Variants in ATRNL1 observed in about 807,000 individuals in gnomAD.
ATRNL1 encodes the protein attractin like 1, also known as attractin-like protein 1.
In ATRNL1, 95 loss-of-function variants were observed where a neutral mutation model predicts 182.7. That is an observed-to-expected ratio of 0.52 (90% confidence interval 0.44 to 0.62). The LOEUF (loss-of-function observed/expected upper bound fraction) is 0.62. Among genes scored for constraint, ATRNL1 ranks in the 20% least tolerant of loss-of-function variants. The pLI, the probability that ATRNL1 is intolerant of heterozygous loss-of-function variation, is 0.00. For synonymous variants in ATRNL1, 576 were observed against 568.3 expected, an observed-to-expected ratio of 1.01 and a Z score of -0.19; for missense variants, 1,471 against 1,679.5, an observed-to-expected ratio of 0.88 and a Z score of 2.17.
At chr10:115,346,212 T>C (rs1180740001) in intron 19 of ATRNL1, among the ~76,000 whole-genome samples, 4 of 152,188 alleles carry the variant, frequency 2.6e-5, no homozygotes. Flanking sequence ...TTTAAAACTT[T>C]TTAATCTTGT....
Position 115,847,894 on chromosome 10 carries a change from T to C in ATRNL1, c.3921T>C (p.Ile1307=). 1 of 1,610,836 alleles carries C rather than the reference T, an allele frequency of 6.2e-7. No individual in the cohort carries two copies. Among genetic ancestry groups the C allele is most frequent in the Non-Finnish European group, 8.5e-7 (1 of 1,177,324 alleles). ...RGPLEGAPKP[I]AIEPCAGNRA... ...TTTTTCAGGGGGCACCCAAGCCAAT[T>C]GCCATTGAACCATGTGCTGGGAACA... is the stretch of plus-strand genomic sequence containing the variant. Residue 1307 remains isoleucine (I), a synonymous_variant, in exon 28 of 29, where the codon ATT becomes ATC. Transcript: ENST00000355044.
At chr10:115,534,347 A>C (rs1354351639) in intron 25 of ATRNL1, among the ~76,000 whole-genome samples, 3 of 151,914 alleles carry the variant, frequency 2.0e-5, no homozygotes, top group African/African-American at 7.3e-5. Flanking sequence ...TGATCCCTTT[A>C]CCATTATGTA....
In ATRNL1 at chr10:115,394,707, A is replaced by G; in HGVS notation, c.3224A>G (p.Lys1075Arg). Residue 1075 changes from lysine to arginine, a missense_variant, in exon 20 of 29, where the codon AAA becomes AGA. Physicochemically the swap from Lys to Arg is conservative, Grantham distance 26. This residue lies in a region of ATRNL1 where 437 missense variants were observed against 506.0 expected (regional missense o/e 0.86). Transcript: ENST00000355044. ...AATATCTGTCATCTGCACACAGGAA[A>G]ATGTTTCTGCACAACTAAAGGAATA... Reference protein sequence around the residue: ...HANICHLHTGKCFCTTKGIKG... With the variant: ...HANICHLHTGRCFCTTKGIKG... 6.2e-7 allele frequency: 1 copy of G among 1,610,864 alleles called. No homozygotes were observed. The highest frequency in any genetic ancestry group is 1.3e-5 in the African/African-American group (1 of 74,846).
At chr10:115,647,082 C>G (rs1298073995) in intron 26 of ATRNL1, among the ~76,000 whole-genome samples, 6 of 151,670 alleles carry the variant, frequency 4.0e-5, no homozygotes, top group African/African-American at 1.5e-4. Flanking sequence ...ATAGTTTGCT[C>G]AGAATGATGA....
intron 20 of ATRNL1, among the ~76,000 whole-genome samples, chr10:115,417,082 C>T (rs1284708399): frequency 6.6e-6 from 1 of 152,222 alleles, no homozygotes; most frequent in Non-Finnish European, 1.5e-5. Flanking sequence ...AGAATGCAGA[C>T]TGGCACCCAG....
At chr10:115,758,671 G>A (rs1428220789) in intron 27 of ATRNL1, among the ~76,000 whole-genome samples, 3 of 152,204 alleles carry the variant, frequency 2.0e-5, no homozygotes, top group East Asian at 1.9e-4. Context: ...TGGGAGAACC[G>A]CTGCTCTCTT....
At chr10:115,855,701 A>G (rs535602808) in intron 28 of ATRNL1, among the ~76,000 whole-genome samples, 25 of 152,312 alleles carry the variant, frequency 1.6e-4, no homozygotes, top group African/African-American at 5.3e-4. Context: ...TTGTGTTTTT[A>G]TAATTCATGT....
intron 28 of ATRNL1, among the ~76,000 whole-genome samples, chr10:115,898,248 G>T (rs1952258506): frequency 6.6e-6 from 1 of 152,036 alleles, no homozygotes; most frequent in African/African-American, 2.4e-5. Flanking sequence ...TTGATAGGTA[G>T]GTATGTATGT....
At chr10:115,147,510 G>A (rs1554879666) in intron 5 of ATRNL1, among the ~76,000 whole-genome samples, 1 of 152,086 alleles carries the variant, frequency 6.6e-6, no homozygotes, top group African/African-American at 2.4e-5. Flanking sequence ...TGTTGCCTGT[G>A]CTTTTGAGGT....
At chr10:115,759,472 G>C (rs1948677220) in intron 27 of ATRNL1, among the ~76,000 whole-genome samples, 1 of 152,050 alleles carries the variant, frequency 6.6e-6, no homozygotes, top group Non-Finnish European at 1.5e-5. Flanking sequence ...TACCCATATT[G>C]TCAGATGACC....
chr10:115,440,742 G>T (rs1554965553), intron 21 of ATRNL1, among the ~76,000 whole-genome samples: 1 of 151,748 alleles, frequency 6.6e-6, no homozygotes, highest in African/African-American at 2.4e-5. Flanking sequence ...ACTACTCTGT[G>T]TCTGAACTTT....
At chr10:115,625,002 G>A (rs573574412) in intron 26 of ATRNL1, among the ~76,000 whole-genome samples, 22 of 152,166 alleles carry the variant, frequency 1.4e-4, no homozygotes, top group African/African-American at 5.1e-4. Flanking sequence ...ACCAAAGCAG[G>A]TATGGCCTTT....
chr10:115,542,890 AGAGG>A (rs1852440383), intron 25 of ATRNL1, among the ~76,000 whole-genome samples: 2 of 152,140 alleles, frequency 1.3e-5, no homozygotes, highest in Admixed American at 1.3e-4. Context: ...ATGCAGGAAG[AGAGG>A]GAGAGTATGC....
At chr10:115,325,503 A>G (rs927577249) in intron 18 of ATRNL1, among the ~76,000 whole-genome samples, 1 of 152,170 alleles carries the variant, frequency 6.6e-6, no homozygotes, top group Non-Finnish European at 1.5e-5. Context: ...TGTGACAATT[A>G]CCAGACTTTT....
Position 115,823,888 on chromosome 10 carries a change from A to T in ATRNL1, c.3904-23989A>T, listed in dbSNP as rs374545733. ...TGTAGATTCAATGCCATCCCCATCA[A>T]GTTGCCATTGACTTTCTTCACAGAA... On this transcript the variant is annotated intron_variant, in intron 27 of 28. Coordinates refer to ENST00000355044, the MANE Select transcript of ATRNL1 (RefSeq NM_207303.4). 3.3e-5 allele frequency among the ~76,000 whole-genome samples: 5 copies of T among 152,344 alleles called. No individual in the cohort carries two copies. The South Asian group carries it at 1.0e-3, about 32-fold the overall frequency.
Position 115,233,137 on chromosome 10 carries a change from C to T in ATRNL1, c.1533-8434C>T, listed in dbSNP as rs1483588429. Among the ~76,000 whole-genome samples the T allele has an allele frequency of 2.0e-5, 3 of 152,004 alleles. No individual in the cohort carries two copies. In the South Asian group the frequency reaches 6.2e-4, roughly 32 times the overall value. On this transcript the variant is annotated intron_variant, in intron 9 of 28. Transcript: ENST00000355044. ...CCTTGTGTGTTTGTATGTGTCTGAA[C>T]GTGGCCTTCTTGTAAGGACACCAGT...
At chr10:115,403,681 A>G (rs1844689285) in intron 20 of ATRNL1, among the ~76,000 whole-genome samples, 1 of 152,074 alleles carries the variant, frequency 6.6e-6, no homozygotes, top group Non-Finnish European at 1.5e-5. Context: ...CAAACTCCTG[A>G]CCTCAAGTGA....
intron 26 of ATRNL1, among the ~76,000 whole-genome samples, chr10:115,553,485 A>G (rs982866954): frequency 6.6e-6 from 1 of 151,336 alleles, no homozygotes; most frequent in African/African-American, 2.4e-5. Flanking sequence ...CTCACATATT[A>G]CACTTCTCTT....
intron 5 of ATRNL1, among the ~76,000 whole-genome samples, chr10:115,139,681 G>C (rs1236995595): frequency 2.0e-5 from 3 of 152,168 alleles, no homozygotes; most frequent in Non-Finnish European, 4.4e-5. Context: ...AACCATATCA[G>C]TTACTAAGTT....
Sources: gnomAD v4.1 joint callset for allele counts (sites outside exome capture counted in the v4.1 genomes callset) on GRCh38, gnomAD v4.1.1 for gene constraint, gnomAD v4.1.1 regional missense constraint, MANE v1.5 for transcripts, NCBI Gene and HGNC (gene_info 2026-07-23, HGNC 2026-07-21) for gene names.